ITIH5: variants seen among roughly 807,000 people sequenced by gnomAD.
ITIH5 encodes inter-alpha-trypsin inhibitor heavy chain 5, also known as inter-alpha-trypsin inhibitor heavy chain H5.
In ITIH5, 65 loss-of-function variants were observed where a neutral mutation model predicts 77.5. The observed-to-expected ratio is 0.84, with a 90% CI of 0.69 to 1.03. The LOEUF (loss-of-function observed/expected upper bound fraction) is 1.03, where lower values mean the gene tolerates loss of function less well. Among genes scored for constraint, ITIH5 ranks in the 50% least tolerant of loss-of-function variants. The pLI is 0.00. For synonymous variants in ITIH5, 525 were observed against 494.3 expected, an observed-to-expected ratio of 1.06 and a Z score of -0.82; for missense variants, 1,208 against 1,213.1, an observed-to-expected ratio of 1.00 and a Z score of 0.06.
chr10:7,611,382 C>A (rs1833241200), intron 7 of ITIH5, among the ~76,000 whole-genome samples: 2 of 152,168 alleles, frequency 1.3e-5, no homozygotes, highest in African/African-American at 2.4e-5. Context: ...ATTTAGGAGA[C>A]CCTAATTTAG....
At chr10:7,633,734 T>C (rs1175074392) in intron 5 of ITIH5, among the ~76,000 whole-genome samples, 1 of 152,054 alleles carries the variant, frequency 6.6e-6, no homozygotes, top group Non-Finnish European at 1.5e-5. Context: ...TGCAAGTGCT[T>C]AGTCTAGTAT....
At chr10:7,623,409 T>A (rs1377077636) in intron 5 of ITIH5, among the ~76,000 whole-genome samples, 1 of 152,142 alleles carries the variant, frequency 6.6e-6, no homozygotes, top group Admixed American at 6.5e-5. Flanking sequence ...AGCACTACCC[T>A]CTGAGGGTGG....
chr10:7,585,437 G>A (rs1445482250), intron 8 of ITIH5, among the ~76,000 whole-genome samples: 2 of 152,018 alleles, frequency 1.3e-5, no homozygotes, highest in South Asian at 2.1e-4. Flanking sequence ...CAACCCTCCC[G>A]GGCCACCAGG....
At chr10:7,615,329 G>C (rs911837270) in intron 7 of ITIH5, among the ~76,000 whole-genome samples, 5 of 152,190 alleles carry the variant, frequency 3.3e-5, no homozygotes, top group African/African-American at 1.2e-4. Context: ...AGAATGTAAA[G>C]ATATTAGCTG....
Position 7,628,727 on chromosome 10 carries a change from C to T in ITIH5, c.652+8501G>A, listed in dbSNP as rs1428922143. ...CGTGTGTCCATGTTGTAGCGTGTGTCCATGTTGCAGCGTGTGTCCATGTTG... is the reference window on the plus strand; with the variant it reads ...CGTGTGTCCATGTTGTAGCGTGTGTTCATGTTGCAGCGTGTGTCCATGTTG... On this transcript the variant is annotated intron_variant, in intron 5 of 13. Coordinates refer to ENST00000397146, the MANE Select transcript of ITIH5 (RefSeq NM_030569.7). Among the ~76,000 whole-genome samples, 23 of 119,478 alleles carry T rather than the reference C, an allele frequency of 1.9e-4. 7 individuals carry two copies. Among genetic ancestry groups the T allele is most frequent in the East Asian group, 7.0e-4 (3 of 4,298 alleles). The allele number at this position is 119,478 out of a possible 152,430, so 78.4% of individuals were successfully genotyped here.
chr10:7,662,702 A>G (rs1265662268), intron 1 of ITIH5, among the ~76,000 whole-genome samples: 2 of 152,214 alleles, frequency 1.3e-5, no homozygotes, highest in Non-Finnish European at 2.9e-5. Context: ...CCCTCAAGAA[A>G]TGGCATATGG....
intron 12 of ITIH5, chr10:7,569,069 T>A (rs573860380): frequency 1.5e-5 from 2 of 134,002 alleles, no homozygotes; most frequent in East Asian, 4.7e-4. Context: ...CAGGCTGGAG[T>A]GCAGTGGCAT....
intron 5 of ITIH5, among the ~76,000 whole-genome samples, chr10:7,624,915 A>ATGTATATATGTATGTATATATATGTG (rs1181002502): frequency 6.6e-5 from 9 of 136,388 alleles, no homozygotes; most frequent in African/African-American, 2.2e-4. Flanking sequence ...ATATATATAT[A>ATGTATATATGTATGTATATATATGTG]TATATATGCA....
At position 7,588,788 on chromosome 10, in the gene ITIH5, T is replaced by C. The variant is rs147674264; in HGVS notation, c.940-2719A>G. ...CTACTCCCTAGGCATATGCGGAGTG[T>C]ACAGGCTCTTCCTCTGTTGAGGTGA... On this transcript the variant is annotated intron_variant, in intron 7 of 13. Coordinates refer to ENST00000397146, the MANE Select transcript of ITIH5 (RefSeq NM_030569.7). 8.8e-4 allele frequency among the ~76,000 whole-genome samples: 134 copies of C among 152,348 alleles called. 1 individual carries two copies. Among genetic ancestry groups the C allele is most frequent in the African/African-American group, 3.1e-3 (130 of 41,570 alleles).
intron 7 of ITIH5, among the ~76,000 whole-genome samples, chr10:7,601,114 C>G (rs547490107): frequency 6.6e-6 from 1 of 152,102 alleles, no homozygotes; most frequent in Admixed American, 6.6e-5. Flanking sequence ...TAATTTGGCT[C>G]CCCTCTCCCC....
intron 2 of ITIH5, among the ~76,000 whole-genome samples, chr10:7,649,378 G>C (rs1160631459): frequency 6.6e-6 from 1 of 151,366 alleles, no homozygotes; most frequent in Non-Finnish European, 1.5e-5. Flanking sequence ...AGACATAATA[G>C]TGCTTAACAT....
intron 13 of ITIH5, among the ~76,000 whole-genome samples, chr10:7,564,860 TAC>T (rs1301385902): frequency 1.3e-5 from 2 of 150,152 alleles, no homozygotes; most frequent in African/African-American, 2.5e-5. Flanking sequence ...TATACATACA[TAC>T]ACAGACTGTA....
At chr10:7,612,140 C>A (rs920143573) in intron 7 of ITIH5, among the ~76,000 whole-genome samples, 5 of 152,066 alleles carry the variant, frequency 3.3e-5, no homozygotes, top group Admixed American at 3.3e-4. Flanking sequence ...ACAGGGCATG[C>A]GTCAGGCATT....
At chr10:7,596,794 G>A (rs756950732) in intron 7 of ITIH5, among the ~76,000 whole-genome samples, 7 of 151,830 alleles carry the variant, frequency 4.6e-5, no homozygotes, top group Non-Finnish European at 7.4e-5. Context: ...GTAATCTTTG[G>A]GATTACACTT....
In ITIH5 at chr10:7,608,365, G is replaced by A. The variant is rs151207255; in HGVS notation, c.939+7617C>T. Among the ~76,000 whole-genome samples the A allele has an allele frequency of 4.7e-3, 708 of 152,200 alleles. 8 individuals carry two copies. Among genetic ancestry groups the A allele is most frequent in the African/African-American group, 0.016 (649 of 41,526 alleles). On this transcript the variant is annotated intron_variant, in intron 7 of 13. Transcript: ENST00000397146. ...CGCCATCATAGCTCACTGCAGTCTC[G>A]ACCTCCTGGGCTCAAGCCATCCTCC...
In ITIH5 at chr10:7,633,886, G is replaced by A. The variant is rs1055219970; in HGVS notation, c.652+3342C>T. ...GGGCGGATCACGAGGTCAGGAGATCGAGACCATCCTGGCTAACACAGTGAA... is the reference window on the plus strand; with the variant it reads ...GGGCGGATCACGAGGTCAGGAGATCAAGACCATCCTGGCTAACACAGTGAA... On this transcript the variant is annotated intron_variant, in intron 5 of 13. Coordinates refer to ENST00000397146, the MANE Select transcript of ITIH5 (RefSeq NM_030569.7). Among the ~76,000 whole-genome samples the A allele has an allele frequency of 1.3e-4, 20 of 151,790 alleles. 1 individual carries two copies. Among genetic ancestry groups the A allele is most frequent in the Admixed American group, 2.6e-4 (4 of 15,250 alleles).
At chr10:7,644,851 A>G (rs1459182612) in intron 2 of ITIH5, among the ~76,000 whole-genome samples, 1 of 132,278 alleles carries the variant, frequency 7.6e-6, no homozygotes, top group Non-Finnish European at 1.5e-5. Context: ...CATATATATC[A>G]CATATGTATC....
At chr10:7,612,212 A>G (rs1188752347) in intron 7 of ITIH5, among the ~76,000 whole-genome samples, 2 of 152,234 alleles carry the variant, frequency 1.3e-5, no homozygotes, top group African/African-American at 2.4e-5. Flanking sequence ...ATGGCTGAAA[A>G]GTCTCTAATG....
At chr10:7,644,548 G>GAT (rs371123189) in intron 2 of ITIH5, among the ~76,000 whole-genome samples, 15,519 of 61,588 alleles carry the variant, frequency 0.25, 2,814 homozygotes, top group East Asian at 0.42. Flanking sequence ...ACATATATAT[G>GAT]ATATATCACA....
Sources: allele counts gnomAD v4.1 joint callset (sites outside exome capture counted in the v4.1 genomes callset), GRCh38; gene constraint gnomAD v4.1.1; transcripts MANE v1.5; gene names NCBI Gene and HGNC (gene_info 2026-07-23, HGNC 2026-07-21).